RORA: variants seen among roughly 807,000 people sequenced by gnomAD.
RORA encodes nuclear receptor ROR-alpha.
Under a neutral mutation model 69.5 loss-of-function variants are expected in RORA, and 7 were observed. The ratio of observed to expected loss-of-function variants is 0.10; its 90% CI spans 0.06 to 0.19. The LOEUF (loss-of-function observed/expected upper bound fraction) is 0.19. Ranked by LOEUF, RORA falls within the 10% of genes least tolerant of loss-of-function variation. RORA has a pLI of 1.00. For synonymous variants in RORA, 261 were observed against 240.8 expected (o/e 1.08, Z -0.78); for missense variants, 457 against 663.0 (o/e 0.69, Z 3.41).
intron 1 of RORA, among the ~76,000 whole-genome samples, chr15:60,701,981 G>T (rs2070988434): frequency 6.6e-6 from 1 of 152,168 alleles, no homozygotes; most frequent in African/African-American, 2.4e-5. Context: ...CAACTAACAT[G>T]CAGGAAATGC....
At chr15:61,177,211 C>A (rs2079637047) in intron 1 of RORA, among the ~76,000 whole-genome samples, 3 of 152,264 alleles carry the variant, frequency 2.0e-5, no homozygotes, top group Middle Eastern at 3.4e-3. Context: ...AGATTTGCTG[C>A]TCTGAGTTAA....
At chr15:61,001,830 A>G (rs955857719) in intron 1 of RORA, among the ~76,000 whole-genome samples, 3 of 152,238 alleles carry the variant, frequency 2.0e-5, no homozygotes, top group African/African-American at 7.2e-5. Flanking sequence ...GGCCAAGGAA[A>G]AAAGAACTCT....
At chr15:60,691,947 T>C (rs1007767083) in intron 1 of RORA, among the ~76,000 whole-genome samples, 2 of 152,226 alleles carry the variant, frequency 1.3e-5, no homozygotes, top group Non-Finnish European at 2.9e-5. Context: ...ATATGCTACA[T>C]ACAGCAAGAA....
intron 2 of RORA, among the ~76,000 whole-genome samples, chr15:60,605,521 A>G (rs184216970): frequency 1.3e-5 from 2 of 152,332 alleles, no homozygotes; most frequent in Admixed American, 1.3e-4. Flanking sequence ...GAAACTACGT[A>G]AACAATGCAT....
At chr15:61,198,715 C>G (rs2140923927) in intron 1 of RORA, among the ~76,000 whole-genome samples, 1 of 151,802 alleles carries the variant, frequency 6.6e-6, no homozygotes, top group East Asian at 1.9e-4. Flanking sequence ...ATACTGATAC[C>G]TATTTATTTT....
chr15:60,621,332 A>T (rs942552386), intron 2 of RORA, among the ~76,000 whole-genome samples: 6 of 152,272 alleles, frequency 3.9e-5, no homozygotes, highest in African/African-American at 1.4e-4. Context: ...CAGCTACCCA[A>T]CTAGGCCCTG....
rs761519588 is a variant in RORA, at chr15:60,531,898, C to T, written c.197-47G>A. ...AGTTAATTACATTTTCTTTTAAACA[C>T]CTTATAAAAGCGTTCCCTGATCAGC... is the stretch of plus-strand genomic sequence containing the variant. On this transcript the variant is annotated intron_variant, in intron 2 of 10. Coordinates refer to ENST00000335670, the MANE Select transcript of RORA (RefSeq NM_134261.3). This position sits in a 1 kb window ranked among gnomAD's most constrained non-coding sequence, Gnocchi z 4.8. 2.5e-6 allele frequency: 3 copies of T among 1,183,494 alleles called. No homozygotes were observed. Among genetic ancestry groups the T allele is most frequent in the South Asian group, 2.7e-5 (2 of 74,708 alleles). The allele number at this position is 1,183,494 out of a possible 1,614,324, so 73.3% of individuals were successfully genotyped here.
intron 1 of RORA, chr15:60,841,001 T>G (rs951158731): frequency 2.8e-6 from 2 of 723,692 alleles, no homozygotes; most frequent in African/African-American, 3.8e-5. Flanking sequence ...ACCTCCTTCC[T>G]CGACAACGAT....
intron 1 of RORA, among the ~76,000 whole-genome samples, chr15:60,695,888 G>T (rs754446654): frequency 6.6e-6 from 1 of 152,046 alleles, no homozygotes; most frequent in South Asian, 2.1e-4. Context: ...ACTCAGTCAG[G>T]AGCATCAGTC....
At chr15:60,970,770 AT>A (rs1203063235) in intron 1 of RORA, among the ~76,000 whole-genome samples, 1 of 152,020 alleles carries the variant, frequency 6.6e-6, no homozygotes, top group African/African-American at 2.4e-5. Context: ...ACGGTTGTGT[AT>A]TTTTTCCTTG....
At chr15:61,089,538 C>G (rs1204375028) in intron 1 of RORA, among the ~76,000 whole-genome samples, 1 of 152,178 alleles carries the variant, frequency 6.6e-6, no homozygotes, top group Non-Finnish European at 1.5e-5. Flanking sequence ...GAAAAGGATG[C>G]CTTTCACTTG....
At chr15:60,526,362 G>A (rs750256024) in intron 3 of RORA, among the ~76,000 whole-genome samples, 2 of 152,210 alleles carry the variant, frequency 1.3e-5, no homozygotes, top group Admixed American at 6.5e-5. Flanking sequence ...AAGCACGCAC[G>A]AGGGACCTGC....
At chr15:60,613,703 T>G (rs1253195865) in intron 2 of RORA, among the ~76,000 whole-genome samples, 3 of 81,466 alleles carry the variant, frequency 3.7e-5, no homozygotes, top group Non-Finnish European at 5.9e-5. Flanking sequence ...TATCTGTGTG[T>G]GTGTGTGTGT....
intron 1 of RORA, among the ~76,000 whole-genome samples, chr15:60,702,109 T>C (rs1252411178): frequency 6.6e-6 from 1 of 152,214 alleles, no homozygotes; most frequent in African/African-American, 2.4e-5. Flanking sequence ...CTGGGATCAG[T>C]GCTTACCAGC....
At chr15:60,820,576 C>G (rs772507978) in intron 1 of RORA, among the ~76,000 whole-genome samples, 19 of 149,932 alleles carry the variant, frequency 1.3e-4, no homozygotes, top group Non-Finnish European at 2.7e-4. Flanking sequence ...AATTTTTAAA[C>G]ATTTTAAAGC....
At chr15:60,625,527 T>C (rs758782093) in intron 2 of RORA, among the ~76,000 whole-genome samples, 5 of 152,262 alleles carry the variant, frequency 3.3e-5, no homozygotes, top group African/African-American at 4.8e-5. Context: ...TGTAGCTTTG[T>C]TTGTATTTGC....
At chr15:60,737,361 G>A (rs7169736) in intron 1 of RORA, among the ~76,000 whole-genome samples, 2,757 of 152,228 alleles carry the variant, frequency 0.018, 95 homozygotes, top group African/African-American at 0.064. Flanking sequence ...TTGCAGGATG[G>A]TGCTCTTGGA....
At chr15:60,577,845 C>T (rs1438571668) in intron 2 of RORA, among the ~76,000 whole-genome samples, 1 of 151,730 alleles carries the variant, frequency 6.6e-6, no homozygotes, top group Non-Finnish European at 1.5e-5. Context: ...TGAAGAATAC[C>T]ATTATTTTAC....
chr15:61,209,238 C>T (rs548569070), intron 1 of RORA, among the ~76,000 whole-genome samples: 1 of 148,634 alleles, frequency 6.7e-6, no homozygotes, highest in Admixed American at 6.8e-5. Flanking sequence ...TCCAATTATG[C>T]ACAATATGAA....
Sources: allele counts gnomAD v4.1 joint callset (sites outside exome capture counted in the v4.1 genomes callset), GRCh38; gene constraint gnomAD v4.1.1; non-coding constraint Gnocchi (gnomAD v3.1); transcripts MANE v1.5; gene names NCBI Gene and HGNC (gene_info 2026-07-23, HGNC 2026-07-21).